Variants in KITLG observed in about 807,000 individuals in gnomAD.
KITLG encodes the protein c-Kit ligand.
In KITLG, 13 loss-of-function variants were observed where a neutral mutation model predicts 34.1. That is an observed-to-expected ratio of 0.38 (90% CI 0.25 to 0.61). The LOEUF (loss-of-function observed/expected upper bound fraction) is 0.61, where lower values mean the gene tolerates loss of function less well. KITLG is among the 20% of genes least tolerant of loss of function. KITLG has a pLI of 0.60. For synonymous variants in KITLG, 110 were observed against 104.0 expected, an observed-to-expected ratio of 1.06 and a Z score of -0.35; for missense variants, 292 against 318.9, an observed-to-expected ratio of 0.92 and a Z score of 0.64.
In KITLG at chr12:88,515,949, A is replaced by T. The variant is rs1281017168; in HGVS notation, c.521-332T>A. Among the ~76,000 whole-genome samples the T allele has an allele frequency of 2.6e-5, 4 of 152,016 alleles. No homozygotes were observed. In the East Asian group the frequency reaches 7.7e-4, roughly 29 times the overall value. ...TGAAGGGAAAAAAGAGTCTTAATAC[A>T]GAGTAACTGGGGAGGATCAGAATTT... On this transcript the variant is annotated intron_variant, in intron 5 of 9. Coordinates refer to ENST00000644744, the MANE Select transcript of KITLG (RefSeq NM_000899.5).
In KITLG at chr12:88,537,499, T is replaced by TA. The variant is rs551750970; in HGVS notation, c.130-4997dup. ...TAGATAGGAAGCAGGAAGACAGGGT[T>TA]AAAAAAACTACCTATTGGGTACCAT... On this transcript the variant is annotated intron_variant, in intron 2 of 9. Transcript: ENST00000644744. Among the ~76,000 whole-genome samples the TA allele has an allele frequency of 4.3e-3, 650 of 151,484 alleles. 3 individuals are homozygous for TA. Among genetic ancestry groups the TA allele is most frequent in the Admixed American group, 0.012 (186 of 15,148 alleles).
chr12:88,520,809 T>C (rs565645787), intron 3 of KITLG, among the ~76,000 whole-genome samples: 1 of 152,320 alleles, frequency 6.6e-6, no homozygotes, highest in East Asian at 1.9e-4. Context: ...GTTTACATTT[T>C]ATATTCTAGT....
chr12:88,552,369 T>G (rs1870949115), intron 1 of KITLG, among the ~76,000 whole-genome samples: 1 of 151,424 alleles, frequency 6.6e-6, no homozygotes. Context: ...TTTGTATTTT[T>G]GGTAGAGACA....
intron 3 of KITLG, among the ~76,000 whole-genome samples, chr12:88,522,412 ATTAGATGCACAGTCTTTT>A (rs1869703499): frequency 6.9e-6 from 1 of 145,712 alleles, no homozygotes; most frequent in Non-Finnish European, 1.5e-5. Flanking sequence ...CCACATTGGT[ATTAGATGCACAGTCTTTT>A]TTTTTTTTTT....
chr12:88,564,152 T>C (rs1049431775), intron 1 of KITLG: 2 of 152,142 alleles, frequency 1.3e-5, no homozygotes, highest in African/African-American at 4.8e-5. Context: ...ATGGTAGACT[T>C]GGGAAGATTA....
intron 1 of KITLG, among the ~76,000 whole-genome samples, chr12:88,578,310 A>G (rs1458369029): frequency 6.6e-6 from 1 of 152,202 alleles, no homozygotes; most frequent in South Asian, 2.1e-4. Flanking sequence ...CCTTCATTCA[A>G]CAAGGGTACT....
intron 4 of KITLG, among the ~76,000 whole-genome samples, chr12:88,517,711 C>T (rs1474928838): frequency 1.3e-5 from 2 of 152,034 alleles, no homozygotes. Context: ...CACATTCTGA[C>T]TTTGGAAATT....
intron 3 of KITLG, among the ~76,000 whole-genome samples, chr12:88,519,236 A>T (rs933941448): frequency 6.6e-6 from 1 of 152,130 alleles, no homozygotes; most frequent in African/African-American, 2.4e-5. Context: ...CAGGAAGAGA[A>T]GGGACTAGTG....
intron 3 of KITLG, among the ~76,000 whole-genome samples, chr12:88,524,811 A>C (rs1273188526): frequency 6.6e-6 from 1 of 152,214 alleles, no homozygotes; most frequent in African/African-American, 2.4e-5. Context: ...TTTTATGCTT[A>C]TTCCTTTTAA....
At chr12:88,555,653 G>A (rs1460669923) in intron 1 of KITLG, among the ~76,000 whole-genome samples, 1 of 152,118 alleles carries the variant, frequency 6.6e-6, no homozygotes, top group Non-Finnish European at 1.5e-5. Flanking sequence ...AGTCGAGCAG[G>A]TAAATCAAGT....
intron 1 of KITLG, among the ~76,000 whole-genome samples, chr12:88,547,729 T>C (rs1312011675): frequency 2.6e-5 from 4 of 152,222 alleles, no homozygotes; most frequent in Non-Finnish European, 4.4e-5. Context: ...ATGACCATAA[T>C]CATATCCTTT....
At chr12:88,558,076 G>C (rs1172613945) in intron 1 of KITLG, among the ~76,000 whole-genome samples, 1 of 152,146 alleles carries the variant, frequency 6.6e-6, no homozygotes, top group Non-Finnish European at 1.5e-5. Context: ...TGTGAAATGA[G>C]CATAGGCTTC....
At chr12:88,540,989 C>T (rs1870499999) in intron 2 of KITLG, among the ~76,000 whole-genome samples, 1 of 152,080 alleles carries the variant, frequency 6.6e-6, no homozygotes, top group African/African-American at 2.4e-5. Flanking sequence ...ATACCTAGGT[C>T]ATCTGAAGAA....
intron 9 of KITLG, among the ~76,000 whole-genome samples, chr12:88,497,796 T>TGGCCACTGAGCC (rs1868699279): frequency 1.3e-5 from 2 of 152,156 alleles, no homozygotes; most frequent in African/African-American, 4.8e-5. Flanking sequence ...TAGCCTCACA[T>TGGCCACTGAGCC]GGCCACTGAG....
In KITLG at chr12:88,505,154, C is replaced by T; in HGVS notation, c.*37+5G>A. 1 of 1,462,860 alleles carries T rather than the reference C, an allele frequency of 6.8e-7. No homozygotes were observed. Among genetic ancestry groups the T allele is most frequent in the African/African-American group, 1.4e-5 (1 of 71,272 alleles). The allele number at this position is 1,462,860 out of a possible 1,614,324, so 90.6% of individuals were successfully genotyped here. On this transcript the variant is annotated splice_donor_5th_base_variant and intron_variant, in intron 9 of 9. Transcript: ENST00000644744. ...AAAAAAAAAGGAAAGAAGAAAAAAA[C>T]TTACCAATGTACGAAAGTAACAGTG...
At chr12:88,560,586 ATTGT>A (rs761032386) in intron 1 of KITLG, among the ~76,000 whole-genome samples, 3 of 152,182 alleles carry the variant, frequency 2.0e-5, no homozygotes, top group Admixed American at 6.5e-5. Context: ...TGAGGCAAAA[ATTGT>A]TTGGGCAACA....
At chr12:88,531,596 T>G (rs951877981) in intron 3 of KITLG, among the ~76,000 whole-genome samples, 2 of 151,980 alleles carry the variant, frequency 1.3e-5, no homozygotes, top group African/African-American at 4.8e-5. Flanking sequence ...AGTAAACACA[T>G]ACACTTGTTG....
intron 1 of KITLG, among the ~76,000 whole-genome samples, chr12:88,561,215 TTAAA>T (rs1249554976): frequency 6.6e-6 from 1 of 152,140 alleles, no homozygotes; most frequent in East Asian, 1.9e-4. Context: ...TTGCTGAGGA[TTAAA>T]TATAGTTATG....
chr12:88,512,850 AAAG>A (rs1869325996), intron 6 of KITLG, among the ~76,000 whole-genome samples: 1 of 151,918 alleles, frequency 6.6e-6, no homozygotes, highest in Non-Finnish European at 1.5e-5. Flanking sequence ...TAAAAAGAAA[AAAG>A]AATTTGTTGC....
Sources: gnomAD v4.1 joint callset for allele counts (sites outside exome capture counted in the v4.1 genomes callset) on GRCh38, gnomAD v4.1.1 for gene constraint, MANE v1.5 for transcripts, NCBI Gene and HGNC (gene_info 2026-07-23, HGNC 2026-07-21) for gene names.